The following EYA1 variants were observed in gnomAD, a reference collection of about 807,000 sequenced individuals.
The protein encoded by EYA1 is protein phosphatase EYA1.
EYA1 carries 16 observed loss-of-function variants against 82.0 expected under a neutral mutation model. The observed-to-expected ratio is 0.20, with a 90% CI of 0.13 to 0.30. The LOEUF is 0.30. Ranked by LOEUF, EYA1 falls within the 10% of genes least tolerant of loss-of-function variation. The probability of loss-of-function intolerance (pLI) is 1.00; values close to 1 mark genes in which losing one functional copy is unlikely to be tolerated. For synonymous variants in EYA1, 261 were observed against 264.4 expected (o/e 0.99, Z 0.12); for missense variants, 633 against 730.7 (o/e 0.87, Z 1.54).
upstream of EYA1, among the ~76,000 whole-genome samples, chr8:71,363,182 G>A (rs1215167725): frequency 6.6e-6 from 1 of 151,954 alleles, no homozygotes; most frequent in Non-Finnish European, 1.5e-5. Flanking sequence ...GCGCTTGATA[G>A]ATGTGAAAAA....
intron 9 of EYA1, among the ~76,000 whole-genome samples, chr8:71,276,833 G>GT (rs1347088608): frequency 1.3e-5 from 2 of 152,128 alleles, no homozygotes; most frequent in Non-Finnish European, 2.9e-5. Flanking sequence ...CTACTTACTA[G>GT]TAGTATTGCT....
intron 4 of EYA1, among the ~76,000 whole-genome samples, chr8:71,330,538 CT>C (rs1823718002): frequency 1.3e-5 from 2 of 152,226 alleles, no homozygotes; most frequent in Admixed American, 1.3e-4. Context: ...AGACATTTTT[CT>C]TTTCCTCATC....
intron 1 of EYA1, chr8:71,535,877 T>G: frequency 8.3e-6 from 5 of 598,848 alleles, no homozygotes; most frequent in Non-Finnish European, 1.3e-5. Context: ...CACACAGCTG[T>G]ATTAATTGTG....
chr8:71,321,579 A>T (rs990227778), intron 6 of EYA1, among the ~76,000 whole-genome samples, 155 bp downstream of exon 6: 1 of 152,244 alleles, frequency 6.6e-6, no homozygotes, highest in Admixed American at 6.5e-5. Context: ...AGTTCTTATA[A>T]TGCTCTTTAG....
At chr8:71,371,852 T>A (rs1482391680) in intron 2 of EYA1, among the ~76,000 whole-genome samples, 1 of 151,806 alleles carries the variant, frequency 6.6e-6, no homozygotes, top group East Asian at 1.9e-4. Flanking sequence ...AAAAGTAAGA[T>A]CACAGGAAAA....
chr8:71,423,218 C>G (rs994551186), intron 2 of EYA1, among the ~76,000 whole-genome samples: 3 of 151,882 alleles, frequency 2.0e-5, no homozygotes, highest in Non-Finnish European at 2.9e-5. Flanking sequence ...CAGGGCAAAA[C>G]TAAGTTGATA....
chr8:71,408,789 C>T (rs890222070), intron 2 of EYA1, among the ~76,000 whole-genome samples: 77 of 140,014 alleles, frequency 5.5e-4, no homozygotes, highest in African/African-American at 2.0e-3. Context: ...CTTTAACACC[C>T]CATTGTCAAC....
intron 9 of EYA1, among the ~76,000 whole-genome samples, chr8:71,280,784 T>C (rs967986860): frequency 2.0e-5 from 3 of 152,198 alleles, no homozygotes; most frequent in Non-Finnish European, 4.4e-5. Context: ...GGTCTCACTC[T>C]GTCACCTAGG....
intron 11 of EYA1, among the ~76,000 whole-genome samples, chr8:71,250,813 AC>A (rs1813662296): frequency 1.3e-5 from 2 of 152,250 alleles, no homozygotes; most frequent in South Asian, 4.1e-4. Flanking sequence ...GCTTTCCCAA[AC>A]TTTGGTGGAG....
intron 1 of EYA1, among the ~76,000 whole-genome samples, chr8:71,359,709 T>C (rs1827203950): frequency 6.6e-6 from 1 of 152,154 alleles, no homozygotes; most frequent in Non-Finnish European, 1.5e-5. Context: ...CTAGAAGCAA[T>C]TTTTATAAAA....
chr8:71,455,152 T>C (rs28799970), intron 2 of EYA1, among the ~76,000 whole-genome samples: 25,375 of 151,734 alleles, frequency 0.17, 3,788 homozygotes, highest in East Asian at 0.47. Flanking sequence ...AACTAGAAAA[T>C]CTAGAAGAAA....
chr8:71,457,210 C>T (rs1301976761), intron 2 of EYA1, among the ~76,000 whole-genome samples: 3 of 152,100 alleles, frequency 2.0e-5, no homozygotes, highest in Non-Finnish European at 4.4e-5. Flanking sequence ...ACCACAATGA[C>T]ATACCATCTC....
At chr8:71,313,776 C>T (rs561086110) in intron 7 of EYA1, among the ~76,000 whole-genome samples, 2 of 152,324 alleles carry the variant, frequency 1.3e-5, no homozygotes, top group South Asian at 4.1e-4. Context: ...TGTACCTTTA[C>T]TCCAGTCTTT....
intron 5 of EYA1, 33 bp downstream of exon 5, chr8:71,322,166 G>A (rs1822636969): frequency 2.0e-6 from 3 of 1,537,018 alleles, no homozygotes; most frequent in Admixed American, 1.7e-5. Flanking sequence ...ACTCAGAGAA[G>A]TTATTTATTG....
intron 10 of EYA1, among the ~76,000 whole-genome samples, chr8:71,270,529 A>G (rs1446120656): frequency 6.6e-6 from 1 of 152,206 alleles, no homozygotes; most frequent in Non-Finnish European, 1.5e-5. Flanking sequence ...AGCCTGTTTT[A>G]CTTCTTCCTA....
chr8:71,421,130 A>G (rs909675368), intron 2 of EYA1, among the ~76,000 whole-genome samples: 1 of 152,078 alleles, frequency 6.6e-6, no homozygotes, highest in African/African-American at 2.4e-5. Context: ...CCTAGGAAAA[A>G]CCTTGTTTAC....
chr8:71,515,709 T>C (rs1014827378), intron 2 of EYA1, among the ~76,000 whole-genome samples: 1 of 152,126 alleles, frequency 6.6e-6, no homozygotes, highest in Non-Finnish European at 1.5e-5. Flanking sequence ...GTAAAGAAAA[T>C]TAGAATGAAA....
chr8:71,477,905 T>C (rs1809797747), intron 2 of EYA1, among the ~76,000 whole-genome samples: 3 of 151,684 alleles, frequency 2.0e-5, no homozygotes, highest in Non-Finnish European at 1.5e-5. Flanking sequence ...TAAAAAGGAG[T>C]GAAGTATGAA....
intron 6 of EYA1, among the ~76,000 whole-genome samples, chr8:71,319,750 T>C (rs1434667089): frequency 6.6e-6 from 1 of 152,200 alleles, no homozygotes; most frequent in African/African-American, 2.4e-5. Context: ...CATCTGAGCC[T>C]TGACTATCAG....
Sources: allele counts gnomAD v4.1 joint callset (sites outside exome capture counted in the v4.1 genomes callset), GRCh38; gene constraint gnomAD v4.1.1; transcripts MANE v1.5; gene names NCBI Gene and HGNC (gene_info 2026-07-23, HGNC 2026-07-21).